The following IQGAP2 variants were observed in gnomAD, a reference collection of about 807,000 sequenced individuals.
IQGAP2 encodes the protein ras GTPase-activating-like protein IQGAP2.
Under a neutral mutation model 201.3 loss-of-function variants are expected in IQGAP2, and 173 were observed. That is an observed-to-expected ratio of 0.86 (90% CI 0.76 to 0.98). The LOEUF is 0.98. Ranked by LOEUF, IQGAP2 falls within the 50% of genes least tolerant of loss-of-function variation. The pLI, the probability that IQGAP2 is intolerant of heterozygous loss-of-function variation, is 0.00. For synonymous variants in IQGAP2, 675 were observed against 673.9 expected, an observed-to-expected ratio of 1.00 and a Z score of -0.03; for missense variants, 1,687 against 1,864.8, an observed-to-expected ratio of 0.90 and a Z score of 1.76.
intron 1 of IQGAP2, among the ~76,000 whole-genome samples, chr5:76,437,284 C>A (rs1393658400): frequency 6.6e-6 from 1 of 151,862 alleles, no homozygotes; most frequent in African/African-American, 2.4e-5. Context: ...AACTCCTGAG[C>A]TCAGGCAATC....
rs764898996 is a variant in IQGAP2 at position 76,618,354 on chromosome 5, A to T, written c.1521+7171A>T. On this transcript the variant is annotated intron_variant, in intron 13 of 35. Coordinates refer to ENST00000274364, the MANE Select transcript of IQGAP2 (RefSeq NM_006633.5). ...GATGGATCTGGTCCTGAAGAAAAGC[A>T]TCCACAGGGTCACAGCATTGGCCGG... The T allele has an allele frequency of 3.7e-6, 6 of 1,614,216 alleles. No homozygotes were observed. The Admixed American group carries it at 1.0e-4, about 27-fold the overall frequency.
At chr5:76,693,765 A>T (rs948508671) in intron 31 of IQGAP2, 2 of 186,006 alleles carry the variant, frequency 1.1e-5, no homozygotes, top group Non-Finnish European at 2.2e-5. Context: ...TCTAGCTGAC[A>T]GGATATTGAA....
intron 2 of IQGAP2, chr5:76,510,703 G>C (rs1012886290): frequency 1.3e-5 from 7 of 533,708 alleles, no homozygotes; most frequent in Non-Finnish European, 2.7e-5. Flanking sequence ...AGACTGCCAA[G>C]CTTGTCCATT....
chr5:76,672,777 G>A (rs573572140), intron 24 of IQGAP2, among the ~76,000 whole-genome samples: 1 of 152,202 alleles, frequency 6.6e-6, no homozygotes, highest in East Asian at 1.9e-4. Flanking sequence ...TACATGCACA[G>A]AGGAGATTGG....
At chr5:76,590,217 A>G (rs1298426551) in intron 7 of IQGAP2, among the ~76,000 whole-genome samples, 191 bp from the exon 8 acceptor site, 1 of 152,208 alleles carries the variant, frequency 6.6e-6, no homozygotes, top group Non-Finnish European at 1.5e-5. Flanking sequence ...AGATGCTGAG[A>G]TCAGGACCAA....
chr5:76,521,327 T>C (rs1758675392), intron 2 of IQGAP2, among the ~76,000 whole-genome samples: 1 of 152,218 alleles, frequency 6.6e-6, no homozygotes, highest in Non-Finnish European at 1.5e-5. Flanking sequence ...CAGCTTTTCA[T>C]AAGTGACAAC....
At chr5:76,570,786 A>G (rs1319380771) in intron 4 of IQGAP2, 129 bp downstream of exon 4, 6 of 669,830 alleles carry the variant, frequency 9.0e-6, no homozygotes, top group Non-Finnish European at 1.6e-5. Flanking sequence ...GGACTAAAAA[A>G]CATGGAAAGA....
At chr5:76,637,496 G>T (rs1346973537) in intron 16 of IQGAP2, among the ~76,000 whole-genome samples, 1 of 152,124 alleles carries the variant, frequency 6.6e-6, no homozygotes, top group Non-Finnish European at 1.5e-5. Flanking sequence ...GATAATTCCT[G>T]GGTTGTCAAT....
intron 33 of IQGAP2, among the ~76,000 whole-genome samples, 192 bp from the exon 34 acceptor site, chr5:76,700,884 C>T (rs544118733): frequency 6.6e-6 from 1 of 152,206 alleles, no homozygotes; most frequent in African/African-American, 2.4e-5. Context: ...ATCCCTTTCC[C>T]CACAAACAGT....
Position 76,674,556 on chromosome 5 carries a change from C to T in IQGAP2, c.3374C>T (p.Thr1125Ile), listed in dbSNP as rs761803913. The change falls in exon 27 of 36, where the codon ACA (threonine) becomes ATA (isoleucine). Residue 1125 changes from threonine to isoleucine, a missense_variant. Thr to Ile is a moderately conservative substitution (Grantham distance 89). Transcript: ENST00000274364. ...GATGGCTTTGATATCATCGACATGA[C>T]AGCTGGAGGTCAGATAAATTCTGAC... ...APDGFDIIDMTAGGQINSDQR... is the reference protein window; with the variant it reads ...APDGFDIIDMIAGGQINSDQR... 1 of 1,614,114 alleles carries T rather than the reference C, an allele frequency of 6.2e-7. No individual in the cohort carries two copies. The highest frequency in any genetic ancestry group is 8.5e-7 in the Non-Finnish European group (1 of 1,179,992).
intron 12 of IQGAP2, chr5:76,606,518 TA>T: frequency 3.3e-6 from 1 of 307,530 alleles, no homozygotes; most frequent in Non-Finnish European, 5.9e-6. Context: ...GAATTCATAA[TA>T]TAATAAAATA....
At chr5:76,575,665 A>G in intron 4 of IQGAP2, 28 bp from the exon 5 acceptor site, 3 of 1,425,196 alleles carry the variant, frequency 2.1e-6, no homozygotes, top group Non-Finnish European at 2.9e-6. Flanking sequence ...CAAAACATAT[A>G]ATAAATATTG....
intron 21 of IQGAP2, among the ~76,000 whole-genome samples, chr5:76,659,805 C>T (rs184008065): frequency 3.5e-3 from 534 of 152,140 alleles, no homozygotes; most frequent in African/African-American, 0.011. Context: ...TAAAAAACAC[C>T]CCTACGTATT....
chr5:76,524,455 C>T (rs1040254627), intron 2 of IQGAP2, among the ~76,000 whole-genome samples: 4 of 152,106 alleles, frequency 2.6e-5, no homozygotes, highest in African/African-American at 9.7e-5. Flanking sequence ...CAGTTAGTAC[C>T]GATCCGATCC....
chr5:76,430,429 C>T (rs1318182553), intron 1 of IQGAP2, among the ~76,000 whole-genome samples: 1 of 152,184 alleles, frequency 6.6e-6, no homozygotes, highest in Non-Finnish European at 1.5e-5. Flanking sequence ...TGCGAGTTGA[C>T]CCTTCATGGA....
At chr5:76,411,603 C>G (rs1374842598) in intron 1 of IQGAP2, among the ~76,000 whole-genome samples, 1 of 152,144 alleles carries the variant, frequency 6.6e-6, no homozygotes, top group Non-Finnish European at 1.5e-5. Flanking sequence ...GTTCAGCCTC[C>G]TTTTCTCTCT....
intron 2 of IQGAP2, among the ~76,000 whole-genome samples, chr5:76,473,517 A>C (rs1048657998): frequency 5.3e-5 from 8 of 152,088 alleles, no homozygotes; most frequent in Non-Finnish European, 1.5e-5. Flanking sequence ...TTCAATTAAA[A>C]TAAAATAGAG....
chr5:76,670,742 G>A (rs1280177225), intron 23 of IQGAP2, among the ~76,000 whole-genome samples: 5 of 152,172 alleles, frequency 3.3e-5, no homozygotes, highest in East Asian at 1.9e-4. Flanking sequence ...GCCATCTGAC[G>A]TGGCTAGAAG....
rs370259108 is a variant in IQGAP2, at chr5:76,420,842, A to T, written c.46+17251A>T. On this transcript the variant is annotated intron_variant, in intron 1 of 35. Transcript: ENST00000274364. Reference sequence around the variant, plus strand: ...GGAATTATACAGTATTTGGTCTTTTATGTCTGGCTTGTTTCACTTAGCATG... The same window carrying T: ...GGAATTATACAGTATTTGGTCTTTTTTGTCTGGCTTGTTTCACTTAGCATG... Among the ~76,000 whole-genome samples the T allele has an allele frequency of 2.6e-5, 4 of 152,266 alleles. No individual in the cohort carries two copies. In the East Asian group the frequency reaches 7.7e-4, roughly 29 times the overall value.
Sources: gnomAD v4.1 joint callset for allele counts (sites outside exome capture counted in the v4.1 genomes callset) on GRCh38, gnomAD v4.1.1 for gene constraint, MANE v1.5 for transcripts, NCBI Gene and HGNC (gene_info 2026-07-23, HGNC 2026-07-21) for gene names.